Variants in DNER observed in about 807,000 individuals in gnomAD.
DNER encodes delta/notch like EGF repeat containing, also known as delta and Notch-like epidermal growth factor-related receptor.
Under a neutral mutation model 78.2 loss-of-function variants are expected in DNER, and 33 were observed. That is an observed-to-expected ratio of 0.42 (90% CI 0.32 to 0.56). The LOEUF (loss-of-function observed/expected upper bound fraction) is 0.56, where lower values mean the gene tolerates loss of function less well. DNER is among the 20% of genes least tolerant of loss of function. The probability of loss-of-function intolerance (pLI) is 0.11; values close to 1 mark genes in which losing one functional copy is unlikely to be tolerated. For missense variants in DNER, 918 were observed against 975.3 expected (o/e 0.94, Z 0.78); for synonymous variants, 417 against 384.8 (o/e 1.08, Z -0.98).
At chr2:229,597,516 A>G (rs946635175) in intron 1 of DNER, among the ~76,000 whole-genome samples, 1 of 152,242 alleles carries the variant, frequency 6.6e-6, no homozygotes, top group African/African-American at 2.4e-5. Flanking sequence ...GCAGGTAATA[A>G]CCAAACTGCC....
chr2:229,528,659 T>G (rs927618146), intron 5 of DNER, among the ~76,000 whole-genome samples: 2 of 152,206 alleles, frequency 1.3e-5, no homozygotes, highest in Non-Finnish European at 2.9e-5. Context: ...TGGAAGCCCA[T>G]GCTGACATCA....
chr2:229,407,345 C>G lies in DNER; in HGVS notation c.1610G>C (p.Gly537Ala). 6.2e-7 allele frequency: 1 copy of G among 1,611,596 alleles called. No homozygotes were observed. Among genetic ancestry groups the G allele is most frequent in the South Asian group, 1.1e-5 (1 of 90,992 alleles). ...YECVCLAEYK[G>A]THCELYKDPC... ...ATCCTTGTACAATTCACAGTGTGTT[C>G]CTGCAGAGAAACAAGCAAAACAGGA... Residue 537 changes from glycine (G) to alanine (A), a missense_variant and splice_region_variant, in exon 10 of 13, where the codon GGA (glycine) becomes GCA (alanine). Gly to Ala is a moderately conservative substitution (Grantham distance 60). Transcript: ENST00000341772.
chr2:229,688,210 C>T (rs1198583742), intron 1 of DNER, among the ~76,000 whole-genome samples: 2 of 152,338 alleles, frequency 1.3e-5, no homozygotes, highest in East Asian at 3.9e-4. Flanking sequence ...AGTGCTAAGT[C>T]ACCTTGAAAC....
chr2:229,367,154 G>A, intron 11 of DNER, 35 bp from the exon 12 acceptor site: 1 of 1,612,058 alleles, frequency 6.2e-7, no homozygotes, highest in Non-Finnish European at 8.5e-7. Flanking sequence ...CTGGGTATGA[G>A]TTGTCACCTT....
intron 4 of DNER, among the ~76,000 whole-genome samples, chr2:229,576,861 G>T (rs564908643): frequency 6.6e-6 from 1 of 152,206 alleles, no homozygotes; most frequent in East Asian, 1.9e-4. Flanking sequence ...TAGGAAGGCT[G>T]CCCAGCAAGC....
intron 6 of DNER, among the ~76,000 whole-genome samples, chr2:229,478,236 T>C (rs1452101201): frequency 1.3e-5 from 1 of 75,278 alleles, no homozygotes; most frequent in African/African-American, 1.1e-4. Flanking sequence ...GATCATAGTG[T>C]AACACTTTAT....
At chr2:229,535,668 G>A (rs1696388765) in intron 5 of DNER, among the ~76,000 whole-genome samples, 1 of 152,016 alleles carries the variant, frequency 6.6e-6, no homozygotes, top group South Asian at 2.1e-4. Context: ...TTCTGAGACA[G>A]AGTCTCACTC....
intron 1 of DNER, among the ~76,000 whole-genome samples, chr2:229,621,437 T>TACTTCCCAC (rs1242888180): frequency 6.6e-6 from 1 of 152,092 alleles, no homozygotes; most frequent in Non-Finnish European, 1.5e-5. Context: ...CCCACTGCAA[T>TACTTCCCAC]ACTTCCCACA....
At chr2:229,626,935 A>G (rs1229297028) in intron 1 of DNER, among the ~76,000 whole-genome samples, 1 of 152,256 alleles carries the variant, frequency 6.6e-6, no homozygotes, top group Admixed American at 6.5e-5. Context: ...GATGAGAATG[A>G]CAGAGATCAT....
At chr2:229,372,743 T>C (rs370215988) in intron 11 of DNER, among the ~76,000 whole-genome samples, 1 of 152,092 alleles carries the variant, frequency 6.6e-6, no homozygotes, top group East Asian at 1.9e-4. Flanking sequence ...GTTCAGAGGC[T>C]CCTGTAGGAC....
chr2:229,394,451 TCAG>T (rs2106338807), intron 10 of DNER, among the ~76,000 whole-genome samples: 1 of 152,354 alleles, frequency 6.6e-6, no homozygotes, highest in Admixed American at 6.5e-5. Context: ...CTTCAGCCTC[TCAG>T]CTTCCTCAGA....
rs563969887 is a variant in DNER, at chr2:229,677,638, A to T, written c.276+36510T>A. On this transcript the variant is annotated intron_variant, in intron 1 of 12. Coordinates refer to ENST00000341772, the MANE Select transcript of DNER (RefSeq NM_139072.4). Reference sequence around the variant, plus strand: ...AGGGTGATTACAATGAATTTTTTTTAATCTACATTGGTTGTAATATTCAAA... The same window carrying T: ...AGGGTGATTACAATGAATTTTTTTTTATCTACATTGGTTGTAATATTCAAA... Among the ~76,000 whole-genome samples, 3 of 152,268 alleles carry T rather than the reference A, an allele frequency of 2.0e-5. No individual in the cohort carries two copies. In the East Asian group the frequency reaches 5.8e-4, roughly 29 times the overall value.
intron 6 of DNER, among the ~76,000 whole-genome samples, chr2:229,505,182 G>A (rs1005136443): frequency 7.8e-5 from 11 of 140,742 alleles, no homozygotes; most frequent in Admixed American, 2.1e-4. Context: ...GCTGCAGTGT[G>A]TGTGTGTGTG....
At chr2:229,693,756 G>C (rs1216353856) in intron 1 of DNER, among the ~76,000 whole-genome samples, 6 of 152,152 alleles carry the variant, frequency 3.9e-5, no homozygotes, top group African/African-American at 1.4e-4. Context: ...AGCAGCAAAG[G>C]GTTCAAGATG....
chr2:229,359,760 TG>T, intron 12 of DNER, among the ~76,000 whole-genome samples: 1 of 152,116 alleles, frequency 6.6e-6, no homozygotes. Context: ...AAGCGGGAAA[TG>T]AGAAAACAGT....
intron 1 of DNER, among the ~76,000 whole-genome samples, chr2:229,637,818 T>C (rs1432731234): frequency 2.0e-5 from 3 of 152,212 alleles, no homozygotes; most frequent in Non-Finnish European, 4.4e-5. Context: ...CTTAATTATT[T>C]TCTACAGACA....
intron 1 of DNER, among the ~76,000 whole-genome samples, chr2:229,669,030 C>T (rs1170522398): frequency 6.6e-6 from 1 of 152,056 alleles, no homozygotes; most frequent in Non-Finnish European, 1.5e-5. Flanking sequence ...CCATGGAATA[C>T]TATGCAGTCA....
intron 9 of DNER, among the ~76,000 whole-genome samples, chr2:229,417,116 C>T (rs570260630): frequency 6.6e-6 from 1 of 152,302 alleles, no homozygotes; most frequent in South Asian, 2.1e-4. Context: ...ATCTGTGGAA[C>T]ACAAAGTCAA....
intron 1 of DNER, among the ~76,000 whole-genome samples, chr2:229,610,441 G>A (rs1326316662): frequency 1.3e-5 from 2 of 152,182 alleles, no homozygotes; most frequent in East Asian, 3.8e-4. Context: ...TCTATCCAGC[G>A]GGGAGCCTGC....
Sources: allele counts gnomAD v4.1 joint callset (sites outside exome capture counted in the v4.1 genomes callset), GRCh38; gene constraint gnomAD v4.1.1; transcripts MANE v1.5; gene names NCBI Gene and HGNC (gene_info 2026-07-23, HGNC 2026-07-21).